STAT5B: variants seen among roughly 807,000 people sequenced by gnomAD.
The protein encoded by STAT5B is transcription factor STAT5B.
STAT5B carries 21 observed loss-of-function variants against 107.8 expected under a neutral mutation model. The observed-to-expected ratio is 0.19, with a 90% CI of 0.14 to 0.28. The LOEUF is 0.28. STAT5B is among the 10% of genes least tolerant of loss of function. The pLI, the probability that STAT5B is intolerant of heterozygous loss-of-function variation, is 1.00. For missense variants in STAT5B, 565 were observed against 1,008.2 expected (o/e 0.56, Z 5.95); for synonymous variants, 325 against 401.7 (o/e 0.81, Z 2.28).
At chr17:42,259,841 C>A (rs937005721) in intron 1 of STAT5B, among the ~76,000 whole-genome samples, 3 of 151,978 alleles carry the variant, frequency 2.0e-5, no homozygotes, top group Admixed American at 6.6e-5. Context: ...TCAGTTCCCA[C>A]AGGGCAAGAG....
chr17:42,214,095 A>G (rs1223615965), intron 12 of STAT5B: 1 of 519,872 alleles, frequency 1.9e-6, no homozygotes, highest in Admixed American at 6.4e-5. Context: ...GTGAGCCGAG[A>G]TAATGCCACT....
upstream of STAT5B, among the ~76,000 whole-genome samples, chr17:42,277,231 G>A (rs2080773884): frequency 6.6e-6 from 1 of 152,032 alleles, no homozygotes; most frequent in Non-Finnish European, 1.5e-5. Flanking sequence ...TCTATCTCCC[G>A]GAGCTGGCCA....
At chr17:42,217,794 T>A (rs547530777) in intron 9 of STAT5B, 23 of 437,100 alleles carry the variant, frequency 5.3e-5, no homozygotes, top group South Asian at 4.5e-4. Context: ...AATCTCTGCC[T>A]CCCAGGTTCA....
chr17:42,281,016 C>T (rs1170658684), upstream of STAT5B, among the ~76,000 whole-genome samples: 1 of 152,026 alleles, frequency 6.6e-6, no homozygotes, highest in Non-Finnish European at 1.5e-5. Flanking sequence ...CGCCTGTAGT[C>T]CCAGCTACTC....
chr17:42,208,422 G>A (rs2080103270), intron 15 of STAT5B, among the ~76,000 whole-genome samples: 2 of 151,854 alleles, frequency 1.3e-5, no homozygotes, highest in Non-Finnish European at 2.9e-5. Flanking sequence ...CTTGAAGCTG[G>A]GAGGTGGAGG....
upstream of STAT5B, among the ~76,000 whole-genome samples, chr17:42,279,293 G>C (rs549546591): frequency 6.6e-6 from 1 of 152,300 alleles, no homozygotes; most frequent in East Asian, 1.9e-4. Context: ...GTAATGTGGT[G>C]ATAGAGACAG....
At chr17:42,268,962 G>A (rs1241835737) in intron 1 of STAT5B, among the ~76,000 whole-genome samples, 2 of 152,078 alleles carry the variant, frequency 1.3e-5, no homozygotes, top group Non-Finnish European at 2.9e-5. Context: ...TTTTATATAG[G>A]CTACAATGAC....
chr17:42,262,872 GTATA>G lies in STAT5B; in HGVS notation c.-11+13372_-11+13375del, dbSNP rs953428345. Among the ~76,000 whole-genome samples the G allele has an allele frequency of 5.0e-5, 6 of 118,968 alleles. 1 individual carries two copies. Among genetic ancestry groups the G allele is most frequent in the African/African-American group, 9.5e-5 (3 of 31,514 alleles). 78.0% of individuals were successfully genotyped at this position (118,968 alleles called of 152,430 possible). A position where few individuals can be genotyped will look rare whatever the true frequency, so the allele number is the denominator to read the frequency against. ...TGTATATACACACATATATGTGTGT[GTATA>G]TATACACATATATATGTGTGTATAT... is the stretch of plus-strand genomic sequence containing the variant. On this transcript the variant is annotated intron_variant, in intron 1 of 18. Coordinates refer to ENST00000293328, the MANE Select transcript of STAT5B (RefSeq NM_012448.4).
intron 1 of STAT5B, among the ~76,000 whole-genome samples, chr17:42,267,563 A>G (rs1191054382): frequency 6.6e-6 from 1 of 152,234 alleles, no homozygotes; most frequent in Non-Finnish European, 1.5e-5. Context: ...TTAAAAAGAG[A>G]AAAAGTAAAA....
chr17:42,262,970 G>GTGTGTA (rs2080626695), intron 1 of STAT5B, among the ~76,000 whole-genome samples: 24 of 20,946 alleles, frequency 1.1e-3, no homozygotes, highest in South Asian at 2.1e-3. Flanking sequence ...GTGTGTGTGT[G>GTGTGTA]TATATATATA....
chr17:42,265,373 T>A (rs1202678947), intron 1 of STAT5B, among the ~76,000 whole-genome samples: 1 of 142,082 alleles, frequency 7.0e-6, no homozygotes, highest in African/African-American at 2.8e-5. Context: ...GGGTATGTAC[T>A]CTTCTTTTTT....
rs560344520 is a variant in STAT5B at position 42,202,195 on chromosome 17, C to T, written c.2237+145G>A. The T allele has an allele frequency of 1.6e-5, 15 of 963,872 alleles. No individual in the cohort carries two copies. In the East Asian group the frequency reaches 3.7e-4, roughly 24 times the overall value. The allele number at this position is 963,872 out of a possible 1,614,324, so 59.7% of individuals were successfully genotyped here. A position where few individuals can be genotyped will look rare whatever the true frequency, so the allele number is the denominator to read the frequency against. On this transcript the variant is annotated intron_variant, in intron 18 of 18. Coordinates refer to ENST00000293328, the MANE Select transcript of STAT5B (RefSeq NM_012448.4). ...ATCACTTCTGGTCAAATCTCTCCCT[C>T]CCAAAGGCCAGAGCCCGGGCCAGGG...
intron 1 of STAT5B, among the ~76,000 whole-genome samples, chr17:42,264,468 T>C (rs1427385603): frequency 6.6e-6 from 1 of 151,284 alleles, no homozygotes; most frequent in Non-Finnish European, 1.5e-5. Flanking sequence ...TTTGGTTTTT[T>C]GTTCTTGCGA....
At chr17:42,208,675 T>C (rs1346198535) in intron 15 of STAT5B, among the ~76,000 whole-genome samples, 2 of 151,738 alleles carry the variant, frequency 1.3e-5, no homozygotes, top group African/African-American at 2.4e-5. Flanking sequence ...TACAAAGATA[T>C]ATAAAAGCTA....
At chr17:42,253,317 C>CGATA (rs1217158507) in intron 1 of STAT5B, among the ~76,000 whole-genome samples, 1 of 152,184 alleles carries the variant, frequency 6.6e-6, no homozygotes, top group Non-Finnish European at 1.5e-5. Flanking sequence ...TCCCCTATCT[C>CGATA]TGCCAAAAAT....
intron 15 of STAT5B, among the ~76,000 whole-genome samples, chr17:42,208,048 C>G (rs1245545770): frequency 6.6e-6 from 1 of 152,162 alleles, no homozygotes; most frequent in Non-Finnish European, 1.5e-5. Context: ...GCACGCGCCA[C>G]CACACCTGGC....
At chr17:42,225,888 C>T (rs1231261631) in intron 3 of STAT5B, among the ~76,000 whole-genome samples, 1 of 152,034 alleles carries the variant, frequency 6.6e-6, no homozygotes, top group Non-Finnish European at 1.5e-5. Context: ...TCAGACAAAC[C>T]CCAAATGAGG....
In STAT5B at chr17:42,267,699, C is replaced by T. The variant is rs147897500; in HGVS notation, c.-11+8549G>A. ...GTTGGCCGGGCACGGCGGCTCACAC[C>T]TATAATCCGAGCACTTTGGGAGGTC... On this transcript the variant is annotated intron_variant, in intron 1 of 18. Transcript: ENST00000293328. Among the ~76,000 whole-genome samples, 583 of 152,244 alleles carry T rather than the reference C, an allele frequency of 3.8e-3. 5 individuals are homozygous for T. Among genetic ancestry groups the T allele is most frequent in the African/African-American group, 0.013 (560 of 41,564 alleles).
chr17:42,252,090 T>C (rs2144362681), intron 1 of STAT5B, among the ~76,000 whole-genome samples: 1 of 151,928 alleles, frequency 6.6e-6, no homozygotes, highest in South Asian at 2.1e-4. Flanking sequence ...TGCTAGAAGA[T>C]CATCTGGGTT....
Sources: allele counts gnomAD v4.1 joint callset (sites outside exome capture counted in the v4.1 genomes callset), GRCh38; gene constraint gnomAD v4.1.1; transcripts MANE v1.5; gene names NCBI Gene and HGNC (gene_info 2026-07-23, HGNC 2026-07-21).